Variants in PDSS1 observed in about 807,000 individuals in gnomAD.
PDSS1 encodes the protein decaprenyl diphosphate synthase subunit 1, also known as all trans-polyprenyl-diphosphate synthase PDSS1.
Under a neutral mutation model 57.5 loss-of-function variants are expected in PDSS1, and 43 were observed. The observed-to-expected ratio is 0.75, with a 90% CI of 0.59 to 0.96. PDSS1 has a LOEUF of 0.96. Ranked by LOEUF, PDSS1 falls within the 50% of genes least tolerant of loss-of-function variation. The probability of loss-of-function intolerance (pLI) is 0.00; values close to 1 mark genes in which losing one functional copy is unlikely to be tolerated. For missense variants in PDSS1, 438 were observed against 527.8 expected, an observed-to-expected ratio of 0.83 and a Z score of 1.67; for synonymous variants, 175 against 191.3, an observed-to-expected ratio of 0.91 and a Z score of 0.70.
At chr10:26,699,587 A>G (rs372717891) in intron 1 of PDSS1, among the ~76,000 whole-genome samples, 1 of 151,684 alleles carries the variant, frequency 6.6e-6, no homozygotes. Flanking sequence ...TAGAGACGGC[A>G]TTTCACCATG....
intron 1 of PDSS1, 92 bp from the exon 2 acceptor site, chr10:26,702,070 C>A: frequency 2.3e-6 from 1 of 439,012 alleles, no homozygotes. Flanking sequence ...TTCGTTTTGG[C>A]CAATTTCTAC....
chr10:26,704,975 G>A (rs1427290819), intron 3 of PDSS1, among the ~76,000 whole-genome samples: 1 of 152,022 alleles, frequency 6.6e-6, no homozygotes, highest in Non-Finnish European at 1.5e-5. Context: ...ATTCTAAATT[G>A]TAGATCTCTG....
At chr10:26,728,091 C>A (rs1013335696) in intron 8 of PDSS1, among the ~76,000 whole-genome samples, 1 of 152,186 alleles carries the variant, frequency 6.6e-6, no homozygotes, top group Non-Finnish European at 1.5e-5. Flanking sequence ...CACAGTGGCT[C>A]ACGCCTGTAA....
At chr10:26,709,295 C>T (rs1360692560) in intron 4 of PDSS1, among the ~76,000 whole-genome samples, 4 of 152,218 alleles carry the variant, frequency 2.6e-5, no homozygotes, top group Non-Finnish European at 5.9e-5. Context: ...CACGGTGGCT[C>T]ACGCCTGTAA....
At chr10:26,724,157 C>A in intron 8 of PDSS1, 34 bp downstream of exon 8, 1 of 1,400,336 alleles carries the variant, frequency 7.1e-7, no homozygotes, top group Non-Finnish European at 1.0e-6. Flanking sequence ...AAGTTAAAGC[C>A]TCATAGCTCT....
chr10:26,730,624 TA>T (rs113298880), intron 8 of PDSS1, among the ~76,000 whole-genome samples: 27,004 of 151,054 alleles, frequency 0.18, 2,538 homozygotes, highest in African/African-American at 0.21. Flanking sequence ...ATAATAATAA[TA>T]AAAAAAATAA....
intron 5 of PDSS1, chr10:26,715,009 A>G (rs1835518019): frequency 6.6e-6 from 1 of 152,204 alleles, no homozygotes; most frequent in Non-Finnish European, 1.5e-5. Flanking sequence ...AGTGATTCCA[A>G]AGGTCAGGCC....
At chr10:26,722,966 CA>C (rs1835836716) in intron 6 of PDSS1, among the ~76,000 whole-genome samples, 1 of 151,592 alleles carries the variant, frequency 6.6e-6, no homozygotes, top group Admixed American at 6.6e-5. Flanking sequence ...CACTTGGAGC[CA>C]AAATTCTTTG....
chr10:26,744,861 CCATTTCTAAATG>C (rs1237379177), intron 11 of PDSS1, among the ~76,000 whole-genome samples: 1 of 152,140 alleles, frequency 6.6e-6, no homozygotes, highest in East Asian at 1.9e-4. Flanking sequence ...TAGGAATATT[CCATTTCTAAATG>C]TCAGAGGGGT....
chr10:26,728,341 T>G (rs575986401), intron 8 of PDSS1, among the ~76,000 whole-genome samples: 8 of 152,022 alleles, frequency 5.3e-5, no homozygotes, highest in African/African-American at 1.4e-4. Context: ...AATACAAAAA[T>G]TAGCCGGGCG....
At chr10:26,723,516 A>C (rs1047129271) in intron 6 of PDSS1, among the ~76,000 whole-genome samples, 3 of 152,248 alleles carry the variant, frequency 2.0e-5, no homozygotes, top group East Asian at 3.9e-4. Context: ...GAAGAGTGAC[A>C]TGGTCATCTC....
At chr10:26,722,982 A>G (rs541816453) in intron 6 of PDSS1, among the ~76,000 whole-genome samples, 2 of 150,954 alleles carry the variant, frequency 1.3e-5, no homozygotes, top group South Asian at 4.2e-4. Context: ...TCTTTGGTTT[A>G]ATTTTTATTG....
At chr10:26,742,335 CTT>C (rs1311225685) in intron 10 of PDSS1, among the ~76,000 whole-genome samples, 160 bp from the exon 11 acceptor site, 1 of 152,266 alleles carries the variant, frequency 6.6e-6, no homozygotes, top group African/African-American at 2.4e-5. Flanking sequence ...CTTAGCTCAG[CTT>C]TTGTTGCCAC....
chr10:26,741,494 G>A (rs1384034986), intron 10 of PDSS1, among the ~76,000 whole-genome samples: 1 of 150,112 alleles, frequency 6.7e-6, no homozygotes, highest in Non-Finnish European at 1.5e-5. Flanking sequence ...ACAGGAGGGG[G>A]GGAAAAACAA....
chr10:26,716,806 C>G (rs1167218618), intron 5 of PDSS1, among the ~76,000 whole-genome samples: 2 of 152,190 alleles, frequency 1.3e-5, no homozygotes, highest in Non-Finnish European at 2.9e-5. Flanking sequence ...GTAGCCAACT[C>G]TCAAGACCAA....
chr10:26,719,964 G>C (rs927911503), intron 5 of PDSS1, among the ~76,000 whole-genome samples: 1 of 152,144 alleles, frequency 6.6e-6, no homozygotes, highest in Non-Finnish European at 1.5e-5. Flanking sequence ...ACTTCTGATC[G>C]TTTACTGTTT....
chr10:26,705,648 AT>A (rs1159080473), intron 4 of PDSS1, among the ~76,000 whole-genome samples: 4 of 151,960 alleles, frequency 2.6e-5, no homozygotes, highest in African/African-American at 7.2e-5. Context: ...TAATTTTTGT[AT>A]TTTTAGTGAA....
At chr10:26,727,941 A>T (rs1399945370) in intron 8 of PDSS1, among the ~76,000 whole-genome samples, 2 of 152,176 alleles carry the variant, frequency 1.3e-5, no homozygotes, top group African/African-American at 4.8e-5. Context: ...GATTCGATCC[A>T]GGTTATGAAT....
chr10:26,697,898 A>C (rs1031182851), intron 1 of PDSS1, 58 bp downstream of exon 1: 2 of 1,234,304 alleles, frequency 1.6e-6, no homozygotes, highest in African/African-American at 1.6e-5. Flanking sequence ...CAATGACAGC[A>C]GTGGGCGGAA....
Sources: gnomAD v4.1 joint callset for allele counts (sites outside exome capture counted in the v4.1 genomes callset) on GRCh38, gnomAD v4.1.1 for gene constraint, MANE v1.5 for transcripts, NCBI Gene and HGNC (gene_info 2026-07-23, HGNC 2026-07-21) for gene names.